Variants in PIAS2 observed in about 807,000 individuals in gnomAD.
PIAS2 encodes protein inhibitor of activated STAT 2.
Under a neutral mutation model 69.7 loss-of-function variants are expected in PIAS2, and 19 were observed. That is an observed-to-expected ratio of 0.27 (90% CI 0.19 to 0.40). The LOEUF (loss-of-function observed/expected upper bound fraction) is 0.40, where lower values mean the gene tolerates loss of function less well. Among genes scored for constraint, PIAS2 ranks in the 10% least tolerant of loss-of-function variants. The pLI, the probability that PIAS2 is intolerant of heterozygous loss-of-function variation, is 1.00. For synonymous variants in PIAS2, 261 were observed against 263.2 expected (o/e 0.99, Z 0.08); for missense variants, 624 against 757.0 (o/e 0.82, Z 2.06).
Position 46,827,964 on chromosome 18 carries a change from G to A in PIAS2, c.1503C>T (p.Thr501=). The stretch of plus-strand genomic sequence containing the variant: ...TGAACTATAAATTAACAAACCCTTT[G>A]GTTGGGCTGCTTTGTGTTTCTGACA... The part of the protein sequence containing the change: ...IFMSETQSSP[T]KGVLMYQPSS... Residue 501 remains threonine, a synonymous_variant, in exon 11 of 14, where the codon ACC becomes ACT. Transcript: ENST00000585916. The A allele has an allele frequency of 6.2e-7, 1 of 1,613,362 alleles. No individual in the cohort carries two copies. The highest frequency in any genetic ancestry group is 1.1e-5 in the South Asian group (1 of 91,030).
At chr18:46,893,388 C>CT in intron 1 of PIAS2, 2 of 687,412 alleles carry the variant, frequency 2.9e-6, no homozygotes, top group Non-Finnish European at 3.6e-6. Flanking sequence ...TTAAGGGAAG[C>CT]TATTTTACAG....
intron 1 of PIAS2, among the ~76,000 whole-genome samples, chr18:46,913,353 C>G (rs2057463937): frequency 6.6e-6 from 1 of 152,102 alleles, no homozygotes; most frequent in African/African-American, 2.4e-5. Context: ...CAAATCTGAT[C>G]TTCGAATTAT....
intron 1 of PIAS2, chr18:46,908,088 T>C (rs2056840902): frequency 1.3e-5 from 2 of 152,178 alleles, no homozygotes; most frequent in South Asian, 4.1e-4. Context: ...TCATTATCTG[T>C]GTACTTCCTA....
At chr18:46,840,256 A>G (rs1285005446) in intron 8 of PIAS2, among the ~76,000 whole-genome samples, 1 of 152,224 alleles carries the variant, frequency 6.6e-6, no homozygotes, top group Non-Finnish European at 1.5e-5. Context: ...AAATTAAAAC[A>G]TATTTTTAAA....
chr18:46,815,600 GAAGGACTAGTCA>G (rs1265867326), intron 12 of PIAS2: 1 of 1,150,874 alleles, frequency 8.7e-7, no homozygotes, highest in Non-Finnish European at 1.1e-6. Context: ...ACTTTCCAGT[GAAGGACTAGTCA>G]AAACAAATAT....
chr18:46,887,161 A>C (rs914485622), intron 2 of PIAS2, among the ~76,000 whole-genome samples: 1 of 152,158 alleles, frequency 6.6e-6, no homozygotes, highest in South Asian at 2.1e-4. Context: ...CTCAATCCTT[A>C]TTTCAAAGTG....
chr18:46,876,283 A>G (rs567436178), intron 2 of PIAS2, among the ~76,000 whole-genome samples: 1 of 152,258 alleles, frequency 6.6e-6, no homozygotes, highest in Non-Finnish European at 1.5e-5. Context: ...TCACGTTTAT[A>G]TAGATGCCAC....
intron 2 of PIAS2, among the ~76,000 whole-genome samples, chr18:46,871,441 A>G (rs1050922994): frequency 6.6e-6 from 1 of 152,182 alleles, no homozygotes; most frequent in Admixed American, 6.5e-5. Flanking sequence ...ACCTCAGAAC[A>G]GGGAGGGAGG....
In PIAS2 at chr18:46,844,105, A is replaced by G. The variant is rs780510403; in HGVS notation, c.990T>C (p.Asp330=). The part of the protein sequence containing the change: ...RALIKEKLTA[D]PDSEIATTSL... Reference sequence around the variant, plus strand: ...TAGTTGTAGCAATTTCACTATCAGGATCTGCAGTAAGTTTTTCTTTAACTT... The same window carrying G: ...TAGTTGTAGCAATTTCACTATCAGGGTCTGCAGTAAGTTTTTCTTTAACTT... The change falls in exon 8 of 14, where the codon GAT becomes GAC. Residue 330 remains aspartate (D), a synonymous_variant. Transcript: ENST00000585916. 6.6e-7 allele frequency: 1 copy of G among 1,516,238 alleles called. No individual in the cohort carries two copies. Among genetic ancestry groups the G allele is most frequent in the Non-Finnish European group, 8.8e-7 (1 of 1,131,390 alleles). The allele number at this position is 1,516,238 out of a possible 1,614,324, so 93.9% of individuals were successfully genotyped here.
intron 1 of PIAS2, among the ~76,000 whole-genome samples, chr18:46,911,142 C>T (rs1170688416): frequency 1.3e-5 from 2 of 151,936 alleles, no homozygotes; most frequent in East Asian, 1.9e-4. Context: ...AACATGAGAA[C>T]CCATTATAAT....
At chr18:46,877,765 G>A (rs1160355670) in intron 2 of PIAS2, among the ~76,000 whole-genome samples, 1 of 152,118 alleles carries the variant, frequency 6.6e-6, no homozygotes, top group Non-Finnish European at 1.5e-5. Context: ...CTCTCGCAGT[G>A]GCCAAAAGTG....
intron 1 of PIAS2, chr18:46,901,243 C>G: frequency 2.4e-6 from 1 of 412,062 alleles, no homozygotes; most frequent in South Asian, 1.7e-5. Flanking sequence ...CATGGAGAAC[C>G]CCATCTCTAA....
chr18:46,807,383 A>ATATATATATATATTT lies in PIAS2; in HGVS notation c.*5049_*5050insAAATATATATATATA, dbSNP rs869149927. On this transcript the variant is annotated 3_prime_UTR_variant, in exon 14 of 14. Coordinates refer to ENST00000585916, the MANE Select transcript of PIAS2 (RefSeq NM_004671.5). ...TATATATATATATATATATATATAT[A>ATATATATATATATTT]TTTTTTTTTTTTTTTTTTTTTTTTT... 2 of 11,600 alleles carry ATATATATATATATTT rather than the reference A, an allele frequency of 1.7e-4. No individual in the cohort carries two copies. Among genetic ancestry groups the ATATATATATATATTT allele is most frequent in the African/African-American group, 5.4e-4 (1 of 1,846 alleles). 0.7% of individuals were successfully genotyped at this position (11,600 alleles called of 1,614,324 possible). A position where few individuals can be genotyped will look rare whatever the true frequency, so the allele number is the denominator to read the frequency against.
rs7234402 is a variant in PIAS2 at position 46,854,661 on chromosome 18, T to A, written c.726+684A>T. ...AGACAGGCTGCATGCATTTACATTG[T>A]ATACATCCTAGGTGCTGAAGCCCAT... On this transcript the variant is annotated intron_variant, in intron 5 of 13. Coordinates refer to ENST00000585916, the MANE Select transcript of PIAS2 (RefSeq NM_004671.5). 2.5e-3 allele frequency among the ~76,000 whole-genome samples: 376 copies of A among 152,334 alleles called. 2 individuals are homozygous for A. Among genetic ancestry groups the A allele is most frequent in the African/African-American group, 8.6e-3 (357 of 41,578 alleles).
intron 3 of PIAS2, among the ~76,000 whole-genome samples, chr18:46,862,926 G>A (rs1427856979): frequency 4.6e-5 from 7 of 152,062 alleles, no homozygotes; most frequent in Non-Finnish European, 8.8e-5. Context: ...GGCTGGTCTC[G>A]AACTCCTGAA....
Position 46,864,178 on chromosome 18 carries a change from C to T in PIAS2, c.570G>A (p.Glu190=), listed in dbSNP as rs761474697. The change falls in exon 3 of 14, where the codon GAG becomes GAA. Residue 190 remains glutamate, a synonymous_variant. Coordinates refer to ENST00000585916, the MANE Select transcript of PIAS2 (RefSeq NM_004671.5). ...ATTCCTCTTACCTGGATATGCATAT[C>T]TCTCTAACTTGTTGAGGTGTCAAAG... The part of the protein sequence containing the change: ...IFALTPQQVR[E]ICISRDFLPG... 2.8e-5 allele frequency: 44 copies of T among 1,569,652 alleles called. No homozygotes were observed. In the South Asian group the frequency reaches 4.9e-4, roughly 17 times the overall value.
chr18:46,898,748 C>T (rs2055302512), intron 1 of PIAS2, among the ~76,000 whole-genome samples: 1 of 152,068 alleles, frequency 6.6e-6, no homozygotes, highest in South Asian at 2.1e-4. Flanking sequence ...AATCTCAACA[C>T]TTTGGGGGGC....
chr18:46,901,017 T>C (rs1238875076), intron 1 of PIAS2: 1 of 408,728 alleles, frequency 2.4e-6, no homozygotes. Flanking sequence ...CTAACAACAA[T>C]TCAATATAAT....
intron 1 of PIAS2, among the ~76,000 whole-genome samples, chr18:46,897,763 T>C (rs1359117501): frequency 6.6e-6 from 1 of 152,200 alleles, no homozygotes; most frequent in Non-Finnish European, 1.5e-5. Context: ...ATAGCTAATA[T>C]ACTAAAAATG....
Sources: allele counts gnomAD v4.1 joint callset (sites outside exome capture counted in the v4.1 genomes callset), GRCh38; gene constraint gnomAD v4.1.1; transcripts MANE v1.5; gene names NCBI Gene and HGNC (gene_info 2026-07-23, HGNC 2026-07-21).